GRM5: variants seen among roughly 807,000 people sequenced by gnomAD.
GRM5 encodes the protein glutamate metabotropic receptor 5.
In GRM5, 19 loss-of-function variants were observed where a neutral mutation model predicts 83.1. The ratio of observed to expected loss-of-function variants is 0.23; its 90% CI spans 0.16 to 0.34. GRM5 has a LOEUF of 0.34. Among genes scored for constraint, GRM5 ranks in the 10% least tolerant of loss-of-function variants. The pLI is 1.00. For missense variants in GRM5, 1,160 were observed against 1,588.3 expected (o/e 0.73, Z 4.58); for synonymous variants, 675 against 633.6 (o/e 1.07, Z -0.98).
chr11:88,864,612 T>A (rs1944627924), intron 2 of GRM5, among the ~76,000 whole-genome samples: 1 of 152,218 alleles, frequency 6.6e-6, no homozygotes, highest in Middle Eastern at 3.4e-3. Context: ...TCATGTCAAC[T>A]GCAAAGAGAC....
chr11:88,711,632 T>G (rs576264023), intron 3 of GRM5, among the ~76,000 whole-genome samples: 7 of 152,206 alleles, frequency 4.6e-5, no homozygotes, highest in African/African-American at 1.7e-4. Context: ...TTTCTTCATC[T>G]ATAAAATATG....
At chr11:88,750,451 G>A (rs2135426435) in intron 3 of GRM5, among the ~76,000 whole-genome samples, 1 of 152,228 alleles carries the variant, frequency 6.6e-6, no homozygotes, top group Non-Finnish European at 1.5e-5. Flanking sequence ...AGTTCTTAGA[G>A]ACCTCCAAAG....
At chr11:88,618,069 A>G (rs529187006) in intron 4 of GRM5, among the ~76,000 whole-genome samples, 6 of 152,356 alleles carry the variant, frequency 3.9e-5, no homozygotes, top group African/African-American at 1.4e-4. Context: ...AGGGCTAAAG[A>G]CTGACCACTC....
intron 4 of GRM5, among the ~76,000 whole-genome samples, chr11:88,641,928 C>T (rs1330864167): frequency 6.6e-5 from 10 of 152,146 alleles, no homozygotes; most frequent in Admixed American, 5.9e-4. Flanking sequence ...ATGATGGTGG[C>T]CCCCTTCTCA....
intron 7 of GRM5, among the ~76,000 whole-genome samples, chr11:88,583,983 A>G (rs778299316): frequency 6.6e-6 from 1 of 152,174 alleles, no homozygotes; most frequent in African/African-American, 2.4e-5. Flanking sequence ...GTAGATTCAC[A>G]TGGATTTTTG....
chr11:89,011,497 A>G (rs1424444097), intron 2 of GRM5, among the ~76,000 whole-genome samples: 7 of 152,210 alleles, frequency 4.6e-5, no homozygotes, highest in Non-Finnish European at 8.8e-5. Flanking sequence ...AGGAGCTGCT[A>G]AAGAATGCTT....
chr11:88,568,865 A>G (rs1291901945), intron 7 of GRM5, among the ~76,000 whole-genome samples: 1 of 152,206 alleles, frequency 6.6e-6, no homozygotes, highest in Admixed American at 6.5e-5. Flanking sequence ...TTTTATAAGA[A>G]AACTGACCCC....
At chr11:88,662,222 A>C (rs1939925195) in intron 3 of GRM5, among the ~76,000 whole-genome samples, 1 of 152,168 alleles carries the variant, frequency 6.6e-6, no homozygotes, top group Non-Finnish European at 1.5e-5. Context: ...TAACTGAGGA[A>C]ATCTGAGGGA....
At chr11:88,778,926 C>T (rs1942917575) in intron 3 of GRM5, among the ~76,000 whole-genome samples, 1 of 152,202 alleles carries the variant, frequency 6.6e-6, no homozygotes, top group Admixed American at 6.5e-5. Flanking sequence ...CAAGGAAGAT[C>T]TTGGCCTACT....
At chr11:88,982,719 A>G (rs891047783) in intron 2 of GRM5, among the ~76,000 whole-genome samples, 21 of 152,308 alleles carry the variant, frequency 1.4e-4, no homozygotes, top group African/African-American at 4.6e-4. Flanking sequence ...CAAATTATAG[A>G]GGAATATTAA....
chr11:88,981,622 C>T (rs1939526966), intron 2 of GRM5, among the ~76,000 whole-genome samples: 1 of 151,550 alleles, frequency 6.6e-6, no homozygotes, highest in Admixed American at 6.6e-5. Flanking sequence ...AATTATTTCT[C>T]TACCCCCCAC....
chr11:89,065,621 C>T (rs1942084844), intron 1 of GRM5, among the ~76,000 whole-genome samples, 155 bp downstream of exon 1: 1 of 152,158 alleles, frequency 6.6e-6, no homozygotes, highest in Non-Finnish European at 1.5e-5. Context: ...TACCAGCCCT[C>T]CACCTGCCCA....
intron 2 of GRM5, among the ~76,000 whole-genome samples, chr11:88,872,018 T>A (rs189579814): frequency 1.1e-3 from 172 of 151,572 alleles, no homozygotes; most frequent in African/African-American, 4.1e-3. Context: ...TTCCATTATA[T>A]CACACAGAAA....
chr11:88,649,235 A>T (rs1387841905), intron 4 of GRM5, among the ~76,000 whole-genome samples: 1 of 135,674 alleles, frequency 7.4e-6, no homozygotes, highest in Non-Finnish European at 1.5e-5. Context: ...TATATATAGT[A>T]TATATATCAC....
chr11:88,764,476 AT>A (rs537994842), intron 3 of GRM5, among the ~76,000 whole-genome samples: 3 of 151,782 alleles, frequency 2.0e-5, no homozygotes, highest in African/African-American at 2.4e-5. Context: ...GTCTCAATAG[AT>A]TTTTTTATAG....
intron 3 of GRM5, among the ~76,000 whole-genome samples, chr11:88,812,497 C>G (rs576610710): frequency 6.6e-6 from 1 of 152,164 alleles, no homozygotes; most frequent in East Asian, 1.9e-4. Flanking sequence ...GGTTCTGAAC[C>G]AGGTCTTTTG....
intron 3 of GRM5, among the ~76,000 whole-genome samples, chr11:88,844,246 A>G (rs1441362759): frequency 6.6e-6 from 1 of 152,084 alleles, no homozygotes; most frequent in Admixed American, 6.6e-5. Flanking sequence ...CTTATGAATT[A>G]TGTTACATGT....
intron 3 of GRM5, among the ~76,000 whole-genome samples, chr11:88,747,225 A>G (rs1942163591): frequency 6.6e-6 from 1 of 152,032 alleles, no homozygotes; most frequent in Non-Finnish European, 1.5e-5. Context: ...TCATTTTTCC[A>G]CAAACTCTAA....
At chr11:89,057,197 A>C (rs1941895874) in intron 1 of GRM5, among the ~76,000 whole-genome samples, 3 of 152,160 alleles carry the variant, frequency 2.0e-5, no homozygotes, top group Admixed American at 2.0e-4. Context: ...TGGCCTCATC[A>C]CAAACAGTCA....
Sources: allele counts gnomAD v4.1 joint callset (sites outside exome capture counted in the v4.1 genomes callset), GRCh38; gene constraint gnomAD v4.1.1; transcripts MANE v1.5; gene names NCBI Gene and HGNC (gene_info 2026-07-23, HGNC 2026-07-21).